The following LRP1B variants were observed in gnomAD, a reference collection of about 807,000 sequenced individuals.
The protein encoded by LRP1B is LDL receptor related protein 1B.
A neutral mutation model predicts 556.6 loss-of-function variants in LRP1B; 217 were observed. The observed-to-expected ratio is 0.39, with a 90% CI of 0.35 to 0.44. LRP1B has a LOEUF of 0.44. Ranked by LOEUF, LRP1B falls within the 20% of genes least tolerant of loss-of-function variation. The pLI is 1.00. For synonymous variants in LRP1B, 2,047 were observed against 1,865.8 expected (o/e 1.10, Z -2.50); for missense variants, 5,053 against 5,620.8 (o/e 0.90, Z 3.23).
At chr2:141,710,289 T>G (rs747888330) in intron 2 of LRP1B, among the ~76,000 whole-genome samples, 1 of 152,182 alleles carries the variant, frequency 6.6e-6, no homozygotes, top group Non-Finnish European at 1.5e-5. Flanking sequence ...AAAATTTTCC[T>G]TCTACATTGT....
intron 7 of LRP1B, among the ~76,000 whole-genome samples, chr2:141,161,118 TATCC>T (rs1310197115): frequency 6.6e-6 from 1 of 152,148 alleles, no homozygotes; most frequent in Non-Finnish European, 1.5e-5. Flanking sequence ...TTCTTTCTTC[TATCC>T]ATCATCTAAA....
At chr2:141,450,161 T>C (rs930685123) in intron 3 of LRP1B, among the ~76,000 whole-genome samples, 15 of 152,092 alleles carry the variant, frequency 9.9e-5, no homozygotes, top group Admixed American at 2.6e-4. Flanking sequence ...GATAGGGAGA[T>C]AGAAAGATGT....
At chr2:141,318,287 A>T (rs1687103545) in intron 3 of LRP1B, among the ~76,000 whole-genome samples, 1 of 152,190 alleles carries the variant, frequency 6.6e-6, no homozygotes, top group African/African-American at 2.4e-5. Flanking sequence ...GGATACAAAC[A>T]TACACAAGAA....
At chr2:140,582,691 C>T (rs1159317949) in intron 43 of LRP1B, among the ~76,000 whole-genome samples, 1 of 152,144 alleles carries the variant, frequency 6.6e-6, no homozygotes, top group Admixed American at 6.5e-5. Context: ...CTTCACCAGA[C>T]ACCAGGCCTG....
chr2:141,506,553 A>T lies in LRP1B; in HGVS notation c.206-26020T>A, dbSNP rs182407501. ...AAAGTGTCTACTAGCATTATTTATCACTCCACTGTTACATTACGGGAAGAG... is the reference window on the plus strand; with the variant it reads ...AAAGTGTCTACTAGCATTATTTATCTCTCCACTGTTACATTACGGGAAGAG... On this transcript the variant is annotated intron_variant, in intron 2 of 90. Coordinates refer to ENST00000389484, the MANE Select transcript of LRP1B (RefSeq NM_018557.3). Among the ~76,000 whole-genome samples the T allele has an allele frequency of 3.3e-3, 501 of 152,000 alleles. 4 individuals are homozygous for T. Among genetic ancestry groups the T allele is most frequent in the African/African-American group, 0.012 (490 of 41,488 alleles).
At chr2:141,344,918 T>C (rs1688191450) in intron 3 of LRP1B, among the ~76,000 whole-genome samples, 1 of 152,172 alleles carries the variant, frequency 6.6e-6, no homozygotes, top group Admixed American at 6.5e-5. Context: ...AAATCTGTTA[T>C]GTTACAAGGC....
At chr2:141,779,736 T>C (rs1695189728) in intron 2 of LRP1B, among the ~76,000 whole-genome samples, 1 of 152,050 alleles carries the variant, frequency 6.6e-6, no homozygotes, top group Non-Finnish European at 1.5e-5. Context: ...TTCCATTGTA[T>C]AGATAGGAAA....
At chr2:140,584,259 G>C (rs1681894359) in intron 43 of LRP1B, among the ~76,000 whole-genome samples, 1 of 151,904 alleles carries the variant, frequency 6.6e-6, no homozygotes, top group African/African-American at 2.4e-5. Context: ...ATTCAAACAT[G>C]AAACTTTTAA....
intron 6 of LRP1B, among the ~76,000 whole-genome samples, chr2:141,220,623 A>G (rs1054953129): frequency 1.5e-5 from 2 of 132,988 alleles, no homozygotes; most frequent in African/African-American, 2.9e-5. Flanking sequence ...CCAAGGTTGG[A>G]AAAAAAAAAA....
chr2:141,727,050 A>G (rs927951021), intron 2 of LRP1B, among the ~76,000 whole-genome samples: 2 of 152,094 alleles, frequency 1.3e-5, no homozygotes, highest in African/African-American at 2.4e-5. Context: ...TGACACAGGA[A>G]AAAAAAATTA....
At chr2:140,481,578 TTTATTATTATTA>T (rs539100695) in intron 59 of LRP1B, among the ~76,000 whole-genome samples, 195 of 137,120 alleles carry the variant, frequency 1.4e-3, no homozygotes, top group African/African-American at 2.5e-3. Context: ...GGTAGCCATC[TTTATTATTATTA>T]TTATTATTAT....
At chr2:141,493,467 T>A (rs931089265) in intron 2 of LRP1B, among the ~76,000 whole-genome samples, 4 of 152,062 alleles carry the variant, frequency 2.6e-5, no homozygotes, top group Admixed American at 6.6e-5. Flanking sequence ...ACTGTACAGG[T>A]CATAGCTTTT....
At chr2:141,309,329 G>T (rs1045320555) in intron 3 of LRP1B, among the ~76,000 whole-genome samples, 1 of 152,186 alleles carries the variant, frequency 6.6e-6, no homozygotes, top group African/African-American at 2.4e-5. Context: ...TATGGGCTTG[G>T]TTTTGATAAT....
chr2:141,846,581 C>T (rs1697651562), intron 1 of LRP1B, among the ~76,000 whole-genome samples: 1 of 151,444 alleles, frequency 6.6e-6, no homozygotes, highest in Admixed American at 6.6e-5. Flanking sequence ...TTATAACTAA[C>T]TATAAAACAT....
chr2:140,598,279 C>T (rs943105992), intron 43 of LRP1B, among the ~76,000 whole-genome samples: 1 of 152,162 alleles, frequency 6.6e-6, no homozygotes. Context: ...CCTGGGACAA[C>T]TAATCAATTT....
chr2:141,488,658 A>G (rs1683207342), intron 2 of LRP1B, among the ~76,000 whole-genome samples: 1 of 151,924 alleles, frequency 6.6e-6, no homozygotes, highest in Admixed American at 6.6e-5. Flanking sequence ...ACAGGGTCTC[A>G]CCATGTTGCC....
chr2:140,867,683 T>G lies in LRP1B; in HGVS notation c.4486A>C (p.Asn1496His), dbSNP rs1692992515. The G allele has an allele frequency of 6.2e-7, 1 of 1,613,608 alleles. No individual in the cohort carries two copies. Among genetic ancestry groups the G allele is most frequent in the African/African-American group, 1.3e-5 (1 of 74,986 alleles). ...DWRTNTLSKANKWTGQNVSVI... is the reference protein window; with the variant it reads ...DWRTNTLSKAHKWTGQNVSVI... ...CTGACATTCTGCCCTGTCCACTTAT[T>G]GGCTTTGGACAATGTGTTGGTCCTC... is the stretch of plus-strand genomic sequence containing the variant. The change falls in exon 27 of 91, where the codon AAT (asparagine) becomes CAT (histidine). Residue 1496 changes from asparagine to histidine, a missense_variant. Coordinates refer to ENST00000389484, the MANE Select transcript of LRP1B (RefSeq NM_018557.3).
At chr2:141,287,339 T>A (rs1685759565) in intron 3 of LRP1B, among the ~76,000 whole-genome samples, 1 of 151,292 alleles carries the variant, frequency 6.6e-6, no homozygotes, top group Admixed American at 6.6e-5. Context: ...TTTTTTTTTT[T>A]TGAGACAGAG....
At chr2:141,752,945 G>GAAAAAAAAA (rs70994450) in intron 2 of LRP1B, among the ~76,000 whole-genome samples, 859 of 28,190 alleles carry the variant, frequency 0.03, 155 homozygotes, top group Non-Finnish European at 0.048. Flanking sequence ...CCCTGTCTCA[G>GAAAAAAAAA]AAAAAAAAAA....
Sources: gnomAD v4.1 joint callset for allele counts (sites outside exome capture counted in the v4.1 genomes callset) on GRCh38, gnomAD v4.1.1 for gene constraint, MANE v1.5 for transcripts, NCBI Gene and HGNC (gene_info 2026-07-23, HGNC 2026-07-21) for gene names.